Variants in GRIK3 observed in about 807,000 individuals in gnomAD.
GRIK3 encodes glutamate ionotropic receptor kainate type subunit 3.
A neutral mutation model predicts 102.5 loss-of-function variants in GRIK3; 29 were observed. The observed-to-expected ratio is 0.28, with a 90% CI of 0.21 to 0.39. The LOEUF (loss-of-function observed/expected upper bound fraction) is 0.39, where lower values mean the gene tolerates loss of function less well. GRIK3 is among the 10% of genes least tolerant of loss of function. GRIK3 has a pLI of 1.00. For synonymous variants in GRIK3, 511 were observed against 504.9 expected (o/e 1.01, Z -0.16); for missense variants, 908 against 1,252.4 (o/e 0.73, Z 4.15).
intron 5 of GRIK3, among the ~76,000 whole-genome samples, chr1:36,867,945 C>T (rs545394106): frequency 1.3e-5 from 2 of 152,288 alleles, no homozygotes; most frequent in African/African-American, 4.8e-5. Flanking sequence ...GCCCCTCAGC[C>T]CTGCAGCCTG....
At chr1:36,845,454 G>A (rs562752112) in intron 9 of GRIK3, among the ~76,000 whole-genome samples, 2 of 152,170 alleles carry the variant, frequency 1.3e-5, no homozygotes, top group Non-Finnish European at 2.9e-5. Flanking sequence ...TTACCCCAGC[G>A]TGCAAGCCAG....
intron 13 of GRIK3, among the ~76,000 whole-genome samples, chr1:36,811,902 G>T (rs1331491219): frequency 2.6e-5 from 4 of 152,206 alleles, no homozygotes; most frequent in Non-Finnish European, 5.9e-5. Flanking sequence ...CCGGATAAGT[G>T]AAGTGACTTG....
intron 1 of GRIK3, among the ~76,000 whole-genome samples, chr1:37,016,322 T>A (rs1257846935): frequency 6.6e-6 from 1 of 152,222 alleles, no homozygotes; most frequent in Non-Finnish European, 1.5e-5. Flanking sequence ...TACCTTCACC[T>A]CATTAAGGCT....
chr1:36,842,110 C>T lies in GRIK3; in HGVS notation c.1327-171G>A, dbSNP rs61531780. ...AGCGGGAAAGCACATGTCCTGAGAGCCAGCTGGGGGCCTCATGAATGGCTA... is the reference window on the plus strand; with the variant it reads ...AGCGGGAAAGCACATGTCCTGAGAGTCAGCTGGGGGCCTCATGAATGGCTA... On this transcript the variant is annotated intron_variant, in intron 9 of 15. Transcript: ENST00000373091. Among the ~76,000 whole-genome samples the T allele has an allele frequency of 3.6e-3, 549 of 152,220 alleles. 5 individuals are homozygous for T. Among genetic ancestry groups the T allele is most frequent in the African/African-American group, 0.013 (527 of 41,512 alleles).
intron 1 of GRIK3, among the ~76,000 whole-genome samples, chr1:36,951,201 T>A (rs1641839796): frequency 6.6e-6 from 1 of 152,048 alleles, no homozygotes; most frequent in Non-Finnish European, 1.5e-5. Context: ...CCTCTGAGGG[T>A]CAGGACATGT....
intron 1 of GRIK3, among the ~76,000 whole-genome samples, chr1:36,995,181 C>T (rs1298638784): frequency 6.6e-6 from 1 of 152,172 alleles, no homozygotes; most frequent in African/African-American, 2.4e-5. Flanking sequence ...CAATTTGACA[C>T]TACACATGAA....
At chr1:36,955,484 C>T (rs1163408339) in intron 1 of GRIK3, among the ~76,000 whole-genome samples, 4 of 152,242 alleles carry the variant, frequency 2.6e-5, no homozygotes, top group Admixed American at 2.0e-4. Context: ...AGGCCCCGCA[C>T]ATCACTCAAA....
chr1:36,988,282 C>T (rs771286179), intron 1 of GRIK3, among the ~76,000 whole-genome samples: 1 of 152,210 alleles, frequency 6.6e-6, no homozygotes, highest in Non-Finnish European at 1.5e-5. Flanking sequence ...CAGAGCCAGA[C>T]TCTGTCTCAA....
In GRIK3 at chr1:36,819,363, C is replaced by T. The variant is rs2124191558; in HGVS notation, c.1873+373G>A. ...AGACTCCCTGCCTCTGGTCTCCTTC[C>T]ATCCACAGCCCAACTTGCTCAGCTG... On this transcript the variant is annotated intron_variant, in intron 12 of 15. Coordinates refer to ENST00000373091, the MANE Select transcript of GRIK3 (RefSeq NM_000831.4). The surrounding 1 kb of genome is among the most constrained non-coding windows in gnomAD (Gnocchi z 4.1). Among the ~76,000 whole-genome samples the T allele has an allele frequency of 6.6e-6, 1 of 152,344 alleles. No individual in the cohort carries two copies. Among genetic ancestry groups the T allele is most frequent in the East Asian group, 1.9e-4 (1 of 5,172 alleles).
intron 5 of GRIK3, among the ~76,000 whole-genome samples, chr1:36,867,237 C>T (rs775528576): frequency 6.6e-6 from 1 of 152,176 alleles, no homozygotes; most frequent in Non-Finnish European, 1.5e-5. Flanking sequence ...CCTCCTCTGC[C>T]TCTTCTCACC....
In GRIK3 at chr1:36,890,735, T is replaced by C. The variant is rs139793946; in HGVS notation, c.292+185A>G. Among the ~76,000 whole-genome samples, 258 of 152,308 alleles carry C rather than the reference T, an allele frequency of 1.7e-3. 3 individuals are homozygous for C. The highest frequency in any genetic ancestry group is 0.01 in the Middle Eastern group (3 of 294). Reference sequence around the variant, plus strand: ...GAGGCACAGGGTATTTTGTCCAAGGTCACACAACTAATATCAGAGTTGCTA... The same window carrying C: ...GAGGCACAGGGTATTTTGTCCAAGGCCACACAACTAATATCAGAGTTGCTA... On this transcript the variant is annotated intron_variant, in intron 2 of 15. Coordinates refer to ENST00000373091, the MANE Select transcript of GRIK3 (RefSeq NM_000831.4).
chr1:37,008,026 A>C (rs1328684128), intron 1 of GRIK3, among the ~76,000 whole-genome samples: 3 of 152,238 alleles, frequency 2.0e-5, no homozygotes, highest in Admixed American at 6.5e-5. Context: ...GAACGTGCCC[A>C]GCACAAACCT....
At chr1:36,995,450 G>C (rs1642410397) in intron 1 of GRIK3, among the ~76,000 whole-genome samples, 1 of 152,194 alleles carries the variant, frequency 6.6e-6, no homozygotes, top group Non-Finnish European at 1.5e-5. Flanking sequence ...CTAGGTAACA[G>C]CCATTATGGT....
chr1:36,952,708 T>A (rs1408402852), intron 1 of GRIK3, among the ~76,000 whole-genome samples: 1 of 152,024 alleles, frequency 6.6e-6, no homozygotes, highest in Non-Finnish European at 1.5e-5. Flanking sequence ...AGAAAGCATA[T>A]GAATGAATGA....
chr1:36,973,748 G>C (rs773891205), intron 1 of GRIK3, among the ~76,000 whole-genome samples: 10 of 151,990 alleles, frequency 6.6e-5, no homozygotes, highest in Admixed American at 2.6e-4. Flanking sequence ...CTTCTTTAGG[G>C]AAAAACTCTC....
chr1:36,859,746 G>C, intron 6 of GRIK3, 98 bp downstream of exon 6: 1 of 983,990 alleles, frequency 1.0e-6, no homozygotes. Context: ...CTCAAGAAGA[G>C]AAGTGGTGGA....
In GRIK3 at chr1:36,999,123, T is replaced by C. The variant is rs566451763; in HGVS notation, c.115+34871A>G. On this transcript the variant is annotated intron_variant, in intron 1 of 15. Transcript: ENST00000373091. Reference sequence around the variant, plus strand: ...ATGGGGCATGGAGTAGAGTGGAAGGTTCAAGTGCCCAACGTTGGAGCTCAA... The same window carrying C: ...ATGGGGCATGGAGTAGAGTGGAAGGCTCAAGTGCCCAACGTTGGAGCTCAA... 1.3e-3 allele frequency among the ~76,000 whole-genome samples: 195 copies of C among 151,562 alleles called. 1 individual carries two copies. The highest frequency in any genetic ancestry group is 2.7e-3 in the South Asian group (13 of 4,772).
chr1:36,871,541 G>A (rs879470877), intron 4 of GRIK3, among the ~76,000 whole-genome samples: 3 of 152,230 alleles, frequency 2.0e-5, no homozygotes, highest in African/African-American at 2.4e-5. Flanking sequence ...CCCTTGGAGC[G>A]GGTGGTAGGC....
intron 1 of GRIK3, among the ~76,000 whole-genome samples, chr1:36,917,484 T>C (rs1462270514): frequency 6.6e-6 from 1 of 152,212 alleles, no homozygotes. Flanking sequence ...AAATCTCATC[T>C]TGAATTCCCA....
Sources: allele counts gnomAD v4.1 joint callset (sites outside exome capture counted in the v4.1 genomes callset), GRCh38; gene constraint gnomAD v4.1.1; non-coding constraint Gnocchi (gnomAD v3.1); transcripts MANE v1.5; gene names NCBI Gene and HGNC (gene_info 2026-07-23, HGNC 2026-07-21).